Variants in DNM3 observed in about 807,000 individuals in gnomAD.
DNM3 encodes dynamin 3, also known as dynamin-3.
In DNM3, 47 loss-of-function variants were observed where a neutral mutation model predicts 101.6. The observed-to-expected ratio is 0.46, with a 90% CI of 0.37 to 0.59. DNM3 has a LOEUF of 0.59. Ranked by LOEUF, DNM3 falls within the 20% of genes least tolerant of loss-of-function variation. The pLI, the probability that DNM3 is intolerant of heterozygous loss-of-function variation, is 0.00. For synonymous variants in DNM3, 385 were observed against 387.9 expected, an observed-to-expected ratio of 0.99 and a Z score of 0.09; for missense variants, 849 against 1,085.7, an observed-to-expected ratio of 0.78 and a Z score of 3.06.
At chr1:171,853,009 A>G (rs2033157615) in intron 1 of DNM3, among the ~76,000 whole-genome samples, 1 of 152,216 alleles carries the variant, frequency 6.6e-6, no homozygotes, top group Non-Finnish European at 1.5e-5. Flanking sequence ...ATAAGAAATG[A>G]CAGACTTATA....
Position 172,410,765 on chromosome 1 carries a change from G to A in DNM3, c.*2924G>A, listed in dbSNP as rs1197813645. 1.0e-6 allele frequency: 1 copy of A among 985,142 alleles called. No individual in the cohort carries two copies. Among genetic ancestry groups the A allele is most frequent in the Non-Finnish European group, 1.2e-6 (1 of 829,848 alleles). 61.0% of individuals were successfully genotyped at this position (985,142 alleles called of 1,614,324 possible). On this transcript the variant is annotated 3_prime_UTR_variant, in exon 21 of 21. Coordinates refer to ENST00000627582, the MANE Select transcript of DNM3 (RefSeq NM_015569.5). ...ATTCTAAAGTATATTAATGAAACCAGTTCCTGTGATGTAACTGTAAGCCTT... is the reference window on the plus strand; with the variant it reads ...ATTCTAAAGTATATTAATGAAACCAATTCCTGTGATGTAACTGTAAGCCTT...
chr1:171,879,102 T>C (rs2036035124), intron 1 of DNM3, among the ~76,000 whole-genome samples: 1 of 152,248 alleles, frequency 6.6e-6, no homozygotes, highest in East Asian at 1.9e-4. Context: ...TTTTGGCTTA[T>C]GTACTAGTTT....
chr1:171,869,930 T>A (rs2035115570), intron 1 of DNM3, among the ~76,000 whole-genome samples: 1 of 152,202 alleles, frequency 6.6e-6, no homozygotes, highest in Non-Finnish European at 1.5e-5. Flanking sequence ...TTAATTACAG[T>A]AGCTCATATC....
intron 14 of DNM3, among the ~76,000 whole-genome samples, chr1:172,170,111 A>C (rs767629612): frequency 2.6e-5 from 4 of 151,972 alleles, no homozygotes; most frequent in African/African-American, 9.7e-5. Flanking sequence ...AGGATTAGGC[A>C]GTAGAAGAAT....
chr1:171,952,240 T>C (rs746034446), intron 2 of DNM3, among the ~76,000 whole-genome samples: 17 of 152,204 alleles, frequency 1.1e-4, no homozygotes, highest in Non-Finnish European at 2.4e-4. Context: ...TTAATGGAGA[T>C]TATCTGCAAA....
At chr1:172,137,830 T>C (rs1045251997) in intron 14 of DNM3, 1 of 152,162 alleles carries the variant, frequency 6.6e-6, no homozygotes, top group African/African-American at 2.4e-5. Context: ...AAAGTATTCA[T>C]AGACAAAAGC....
chr1:172,231,741 T>C (rs9726627), intron 14 of DNM3, among the ~76,000 whole-genome samples: 25,355 of 152,066 alleles, frequency 0.17, 2,491 homozygotes, highest in East Asian at 0.28. Context: ...TGCAGAGAAG[T>C]CCTTAAAAGA....
At chr1:172,188,426 G>A (rs2059594916) in intron 14 of DNM3, among the ~76,000 whole-genome samples, 1 of 152,050 alleles carries the variant, frequency 6.6e-6, no homozygotes, top group Admixed American at 6.6e-5. Context: ...AACCTGGGCT[G>A]TCATGACGAA....
At chr1:172,392,890 A>G (rs1484668705) in intron 20 of DNM3, among the ~76,000 whole-genome samples, 1 of 152,220 alleles carries the variant, frequency 6.6e-6, no homozygotes, top group Non-Finnish European at 1.5e-5. Flanking sequence ...GTTTTACTCC[A>G]GCTCATCAAA....
intron 17 of DNM3, among the ~76,000 whole-genome samples, chr1:172,332,509 T>C (rs1037269461): frequency 2.0e-5 from 3 of 152,098 alleles, no homozygotes; most frequent in African/African-American, 7.2e-5. Context: ...GGGGTTTCAC[T>C]CTGTTCTCCA....
intron 20 of DNM3, among the ~76,000 whole-genome samples, chr1:172,394,962 G>T (rs568173947): frequency 6.6e-6 from 1 of 152,064 alleles, no homozygotes; most frequent in Admixed American, 6.6e-5. Flanking sequence ...ACTGCACTTC[G>T]TTGTTTCCCT....
chr1:172,233,739 T>G (rs1454747420), intron 14 of DNM3, among the ~76,000 whole-genome samples: 1 of 152,042 alleles, frequency 6.6e-6, no homozygotes, highest in Non-Finnish European at 1.5e-5. Flanking sequence ...GTTCAACATA[T>G]GCAAATCAAT....
At chr1:172,069,174 T>C (rs1213057634) in intron 11 of DNM3, among the ~76,000 whole-genome samples, 1 of 152,208 alleles carries the variant, frequency 6.6e-6, no homozygotes, top group Non-Finnish European at 1.5e-5. Context: ...TTATTTTTTT[T>C]CTCAATGCTC....
intron 13 of DNM3, among the ~76,000 whole-genome samples, chr1:172,099,149 T>A (rs932752047): frequency 1.3e-5 from 2 of 152,238 alleles, no homozygotes; most frequent in Non-Finnish European, 2.9e-5. Flanking sequence ...GGTAAAGGAC[T>A]GTGTAATCTC....
intron 14 of DNM3, among the ~76,000 whole-genome samples, chr1:172,142,443 G>T (rs1476043908): frequency 6.6e-6 from 1 of 151,948 alleles, no homozygotes; most frequent in African/African-American, 2.4e-5. Context: ...GTTTTCATTT[G>T]TTAAAACTTT....
At chr1:171,955,994 A>G (rs1051080246) in intron 2 of DNM3, among the ~76,000 whole-genome samples, 1 of 152,144 alleles carries the variant, frequency 6.6e-6, no homozygotes, top group Non-Finnish European at 1.5e-5. Flanking sequence ...ATCCGCCCCC[A>G]TAATTCAATT....
At chr1:171,928,342 A>T (rs1010442897) in intron 2 of DNM3, among the ~76,000 whole-genome samples, 17 of 152,042 alleles carry the variant, frequency 1.1e-4, no homozygotes, top group Admixed American at 1.0e-3. Context: ...GTGTGATCTC[A>T]GTACTTGTGT....
chr1:171,906,673 A>T (rs186439060), intron 1 of DNM3, among the ~76,000 whole-genome samples: 1 of 152,326 alleles, frequency 6.6e-6, no homozygotes, highest in African/African-American at 2.4e-5. Context: ...TTATTTTCAT[A>T]AAAAATTCTT....
chr1:172,189,005 A>G (rs1338857553), intron 14 of DNM3, among the ~76,000 whole-genome samples: 3 of 152,022 alleles, frequency 2.0e-5, no homozygotes, highest in African/African-American at 7.2e-5. Flanking sequence ...TTTGTGTCTA[A>G]GTCTGTGATG....
Sources: allele counts gnomAD v4.1 joint callset (sites outside exome capture counted in the v4.1 genomes callset), GRCh38; gene constraint gnomAD v4.1.1; transcripts MANE v1.5; gene names NCBI Gene and HGNC (gene_info 2026-07-23, HGNC 2026-07-21).